The following USP34 variants were observed in gnomAD, a reference collection of about 807,000 sequenced individuals.
USP34 encodes the protein ubiquitin specific peptidase 34, also known as ubiquitin carboxyl-terminal hydrolase 34.
A neutral mutation model predicts 460.3 loss-of-function variants in USP34; 70 were observed. The ratio of observed to expected loss-of-function variants is 0.15; its 90% CI spans 0.13 to 0.19. The LOEUF (loss-of-function observed/expected upper bound fraction) is 0.19. Among genes scored for constraint, USP34 ranks in the 10% least tolerant of loss-of-function variants. USP34 has a pLI of 1.00. For synonymous variants in USP34, 1,647 were observed against 1,405.3 expected (o/e 1.17, Z -3.85); for missense variants, 3,985 against 4,236.2 (o/e 0.94, Z 1.65).
chr2:61,228,478 C>T (rs1014055030), intron 61 of USP34, among the ~76,000 whole-genome samples, 167 bp downstream of exon 61: 6 of 152,142 alleles, frequency 3.9e-5, no homozygotes, highest in Non-Finnish European at 8.8e-5. Flanking sequence ...CTTGCTATAT[C>T]CATTAAAATT....
At chr2:61,376,542 T>C (rs907130977) in intron 8 of USP34, among the ~76,000 whole-genome samples, 3 of 152,226 alleles carry the variant, frequency 2.0e-5, no homozygotes, top group African/African-American at 7.2e-5. Context: ...AGTATGAATA[T>C]CACATTAGCA....
rs547911541 is a variant in USP34, at chr2:61,459,488, A to C, written c.43+11162T>G. On this transcript the variant is annotated intron_variant, in intron 1 of 79. Coordinates refer to ENST00000398571, the MANE Select transcript of USP34 (RefSeq NM_014709.4). Reference sequence around the variant, plus strand: ...ATTTGGGCACAATTAAGATACTTGAAAACAGGCCAGGCACGGTGGCTCACA... The same window carrying C: ...ATTTGGGCACAATTAAGATACTTGACAACAGGCCAGGCACGGTGGCTCACA... Among the ~76,000 whole-genome samples, 10 of 152,328 alleles carry C rather than the reference A, an allele frequency of 6.6e-5. 1 individual carries two copies. In the South Asian group the frequency reaches 2.1e-3, roughly 32 times the overall value.
chr2:61,192,844 T>G (rs754701976), intron 76 of USP34, 57 bp downstream of exon 76: 1 of 1,454,194 alleles, frequency 6.9e-7, no homozygotes, highest in Non-Finnish European at 9.5e-7. Context: ...CCTAAAATTA[T>G]TGACCACTTG....
At chr2:61,332,722 T>C (rs914115683) in intron 19 of USP34, among the ~76,000 whole-genome samples, 1 of 152,030 alleles carries the variant, frequency 6.6e-6, no homozygotes, top group South Asian at 2.1e-4. Flanking sequence ...TGCTTTCCCT[T>C]ACCCCTCCTT....
chr2:61,463,840 A>G (rs1695680167), intron 1 of USP34, among the ~76,000 whole-genome samples: 1 of 151,964 alleles, frequency 6.6e-6, no homozygotes, highest in African/African-American at 2.4e-5. Flanking sequence ...TTTTCAAAAA[A>G]AAAAAAAACT....
At chr2:61,208,702 A>T in intron 70 of USP34, 197 bp downstream of exon 70, 1 of 337,540 alleles carries the variant, frequency 3.0e-6, no homozygotes, top group East Asian at 4.5e-5. Context: ...TGGAATTACT[A>T]TGGAAAAAGG....
rs928482124 is a variant in USP34, at chr2:61,188,033, G to C, written c.*69C>G. 1.2e-5 allele frequency: 18 copies of C among 1,533,742 alleles called. No homozygotes were observed. The African/African-American group carries it at 1.9e-4, about 17-fold the overall frequency. ...CAAACTGAAGCACAAAAACAAATAA[G>C]CAAAACTTATACAAACAGCATGGGG... On this transcript the variant is annotated 3_prime_UTR_variant, in exon 80 of 80. Transcript: ENST00000398571.
intron 58 of USP34, among the ~76,000 whole-genome samples, chr2:61,231,552 A>C (rs776795185): frequency 2.0e-5 from 3 of 152,024 alleles, no homozygotes; most frequent in Non-Finnish European, 4.4e-5. Flanking sequence ...TCTCTCTACA[A>C]AAAAATACAA....
At chr2:61,272,238 T>C (rs1298223745) in intron 41 of USP34, among the ~76,000 whole-genome samples, 1 of 151,808 alleles carries the variant, frequency 6.6e-6, no homozygotes, top group Non-Finnish European at 1.5e-5. Flanking sequence ...GGTGAAACCC[T>C]GTCTCTACTA....
chr2:61,212,022 A>AATTATACAAATAAGCTAG, intron 68 of USP34, 93 bp from the exon 69 acceptor site: 1 of 1,315,486 alleles, frequency 7.6e-7, no homozygotes, highest in South Asian at 1.5e-5. Flanking sequence ...CAACTCTTAA[A>AATTATACAAATAAGCTAG]ATTATACAAA....
intron 76 of USP34, 67 bp from the exon 77 acceptor site, chr2:61,190,725 T>G: frequency 6.5e-7 from 1 of 1,533,772 alleles, no homozygotes; most frequent in Non-Finnish European, 8.7e-7. Context: ...CGGAAAAAAC[T>G]TACACAGAAA....
At chr2:61,434,566 G>T (rs1462579439) in intron 1 of USP34, among the ~76,000 whole-genome samples, 1 of 152,106 alleles carries the variant, frequency 6.6e-6, no homozygotes, top group Admixed American at 6.5e-5. Context: ...AGCCCAATGA[G>T]CCAACCCCCC....
chr2:61,421,174 CCTATAGGGTA>C (rs748077633), intron 1 of USP34, among the ~76,000 whole-genome samples: 1 of 152,092 alleles, frequency 6.6e-6, no homozygotes, highest in Non-Finnish European at 1.5e-5. Flanking sequence ...TTCTCCAGTG[CCTATAGGGTA>C]CTAGAAGAAG....
At chr2:61,390,611 T>C (rs935634115) in intron 5 of USP34, among the ~76,000 whole-genome samples, 7 of 152,244 alleles carry the variant, frequency 4.6e-5, no homozygotes, top group Non-Finnish European at 1.0e-4. Context: ...AGTTAAGAAC[T>C]GCTGAAGTTC....
chr2:61,463,818 G>T (rs1184039297), intron 1 of USP34, among the ~76,000 whole-genome samples: 1 of 143,238 alleles, frequency 7.0e-6, no homozygotes, highest in Non-Finnish European at 1.5e-5. Context: ...TGGGCAACAG[G>T]AACAAAATTC....
intron 67 of USP34, 137 bp downstream of exon 67, chr2:61,220,173 A>AG: frequency 3.0e-6 from 1 of 337,694 alleles, no homozygotes; most frequent in Non-Finnish European, 4.5e-6. Flanking sequence ...AAAAAAAAAA[A>AG]AAAAAAAAAG....
chr2:61,383,395 CACTAA>C, intron 5 of USP34, 59 bp from the exon 6 acceptor site: 1 of 1,296,348 alleles, frequency 7.7e-7, no homozygotes, highest in Non-Finnish European at 1.1e-6. Flanking sequence ...ATATATCTTT[CACTAA>C]ACTAATGAAA....
chr2:61,379,432 A>G (rs367847400), intron 7 of USP34, among the ~76,000 whole-genome samples: 1,555 of 152,252 alleles, frequency 0.01, 17 homozygotes, highest in Non-Finnish European at 0.014. Flanking sequence ...AGGCAAGAGC[A>G]TCGCTTGAAC....
intron 1 of USP34, among the ~76,000 whole-genome samples, chr2:61,421,365 G>T (rs1186003002): frequency 6.6e-6 from 1 of 152,082 alleles, no homozygotes; most frequent in East Asian, 1.9e-4. Context: ...TCCTTCACAC[G>T]GCGTTCCTCT....
Sources: allele counts gnomAD v4.1 joint callset (sites outside exome capture counted in the v4.1 genomes callset), GRCh38; gene constraint gnomAD v4.1.1; transcripts MANE v1.5; gene names NCBI Gene and HGNC (gene_info 2026-07-23, HGNC 2026-07-21).